Variants in HERC4 observed in about 807,000 individuals in gnomAD.
HERC4 encodes the protein HECT and RLD domain containing E3 ubiquitin protein ligase 4.
Under a neutral mutation model 124.3 loss-of-function variants are expected in HERC4, and 28 were observed. The observed-to-expected ratio is 0.23, with a 90% CI of 0.17 to 0.31. The LOEUF (loss-of-function observed/expected upper bound fraction) is 0.31, where lower values mean the gene tolerates loss of function less well. Among genes scored for constraint, HERC4 ranks in the 10% least tolerant of loss-of-function variants. The pLI, the probability that HERC4 is intolerant of heterozygous loss-of-function variation, is 1.00. For missense variants in HERC4, 713 were observed against 1,229.3 expected (o/e 0.58, Z 6.28); for synonymous variants, 407 against 421.5 (o/e 0.97, Z 0.42).
intron 23 of HERC4, among the ~76,000 whole-genome samples, chr10:67,927,418 ATATATATATATATTTTTT>A (rs1564911135): frequency 8.0e-4 from 7 of 8,730 alleles, no homozygotes; most frequent in African/African-American, 3.1e-3. Flanking sequence ...ATATATATAT[ATATATATATATATTTTTT>A]TTTTTTTTTA....
Position 68,038,083 on chromosome 10 carries a change from T to C in HERC4, c.463+10A>G. 3 of 1,418,304 alleles carry C rather than the reference T, an allele frequency of 2.1e-6. No homozygotes were observed. Among genetic ancestry groups the C allele is most frequent in the Non-Finnish European group, 2.9e-6 (3 of 1,045,584 alleles). 87.9% of individuals were successfully genotyped at this position (1,418,304 alleles called of 1,614,324 possible). A position where few individuals can be genotyped will look rare whatever the true frequency, so the allele number is the denominator to read the frequency against. On this transcript the variant is annotated intron_variant, in intron 5 of 24. Coordinates refer to ENST00000373700, the MANE Select transcript of HERC4 (RefSeq NM_015601.4). ...AACTGAAGAGAAATAAAATAAAAACTAATGCTTACCTTTAGAAAGTGCAAG... is the reference window on the plus strand; with the variant it reads ...AACTGAAGAGAAATAAAATAAAAACCAATGCTTACCTTTAGAAAGTGCAAG...
chr10:68,035,885 T>G (rs1337241032), intron 5 of HERC4, among the ~76,000 whole-genome samples: 2 of 152,232 alleles, frequency 1.3e-5, no homozygotes, highest in African/African-American at 4.8e-5. Flanking sequence ...CTAAATACCC[T>G]GAAGTTTTTC....
intron 9 of HERC4, among the ~76,000 whole-genome samples, chr10:68,000,915 G>C (rs2037191962): frequency 6.6e-6 from 1 of 152,154 alleles, no homozygotes; most frequent in Non-Finnish European, 1.5e-5. Flanking sequence ...CAATAAATTT[G>C]TATTGTTCAA....
intron 6 of HERC4, among the ~76,000 whole-genome samples, chr10:68,033,507 A>G (rs184233161): frequency 3.0e-4 from 45 of 152,328 alleles, no homozygotes; most frequent in East Asian, 2.7e-3. Flanking sequence ...TTTCAGTTAC[A>G]ATTTTTTCAA....
At chr10:67,970,346 C>T (rs1564980160) in intron 15 of HERC4, among the ~76,000 whole-genome samples, 1 of 151,994 alleles carries the variant, frequency 6.6e-6, no homozygotes, top group Non-Finnish European at 1.5e-5. Flanking sequence ...AATCCCAGCA[C>T]TCGGGGAGGA....
At chr10:67,976,029 GT>G (rs74909384) in intron 15 of HERC4, among the ~76,000 whole-genome samples, 103 of 141,278 alleles carry the variant, frequency 7.3e-4, no homozygotes, top group Admixed American at 7.8e-4. Flanking sequence ...GCTACCCACT[GT>G]TTTTTTTTTT....
At chr10:68,001,738 G>A (rs1206860126) in intron 9 of HERC4, among the ~76,000 whole-genome samples, 1 of 151,970 alleles carries the variant, frequency 6.6e-6, no homozygotes, top group Non-Finnish European at 1.5e-5. Flanking sequence ...CTCCCTCTAG[G>A]AACTAGTAAC....
chr10:68,061,879 TAA>T (rs71470503), intron 3 of HERC4, among the ~76,000 whole-genome samples: 1,726 of 54,724 alleles, frequency 0.032, 53 homozygotes, highest in African/African-American at 0.14. Context: ...AGACTCCATT[TAA>T]AAAAAAAAAA....
intron 4 of HERC4, among the ~76,000 whole-genome samples, chr10:68,041,046 C>T (rs2039741255): frequency 6.6e-6 from 1 of 152,094 alleles, no homozygotes; most frequent in South Asian, 2.1e-4. Context: ...AATATGTATA[C>T]TGTTGTATTC....
chr10:68,044,766 T>G (rs1003469624), intron 3 of HERC4, among the ~76,000 whole-genome samples: 5 of 152,200 alleles, frequency 3.3e-5, no homozygotes, highest in Non-Finnish European at 4.4e-5. Context: ...TAATTCTCAT[T>G]GTGGTAAACC....
At chr10:68,064,231 C>A (rs2133805138) in intron 3 of HERC4, among the ~76,000 whole-genome samples, 1 of 151,592 alleles carries the variant, frequency 6.6e-6, no homozygotes, top group African/African-American at 2.4e-5. Context: ...AGAACAAAAC[C>A]CTGTCCCCAA....
chr10:68,021,051 T>TC (rs35697772), intron 8 of HERC4, among the ~76,000 whole-genome samples: 70,448 of 151,706 alleles, frequency 0.46, 18,012 homozygotes, highest in East Asian at 0.85. Flanking sequence ...AGCCAAAAAC[T>TC]CCCAAATATG....
chr10:67,955,827 C>T (rs1163525518), intron 17 of HERC4: 1 of 152,126 alleles, frequency 6.6e-6, no homozygotes, highest in East Asian at 1.9e-4. Flanking sequence ...GGAAGCATTA[C>T]ACAAATTCAC....
At chr10:68,059,603 A>AATATTATATATC (rs1285473633) in intron 3 of HERC4, among the ~76,000 whole-genome samples, 3 of 84,542 alleles carry the variant, frequency 3.5e-5, no homozygotes, top group African/African-American at 1.9e-4. Flanking sequence ...TATATATCAT[A>AATATTATATATC]ATATTATATA....
chr10:68,062,995 G>A (rs558919788), intron 3 of HERC4, among the ~76,000 whole-genome samples: 5 of 151,830 alleles, frequency 3.3e-5, no homozygotes, highest in African/African-American at 1.2e-4. Context: ...TCAATTACAT[G>A]GACTACTCTT....
chr10:68,010,682 C>A (rs536874280), intron 9 of HERC4: 4 of 1,476,372 alleles, frequency 2.7e-6, no homozygotes, highest in Admixed American at 1.9e-5. Flanking sequence ...AGGGCCGCGC[C>A]GCTTACACAT....
chr10:68,059,553 A>ATATATATCATAATATTATATATCAT (rs2040768785), intron 3 of HERC4, among the ~76,000 whole-genome samples: 1 of 88,124 alleles, frequency 1.1e-5, no homozygotes, highest in Non-Finnish European at 2.0e-5. Flanking sequence ...ATATATCATA[A>ATATATATCATAATATTATATATCAT]TATATATCAT....
At chr10:68,018,481 A>G (rs889688772) in intron 8 of HERC4, among the ~76,000 whole-genome samples, 3 of 152,218 alleles carry the variant, frequency 2.0e-5, no homozygotes, top group Admixed American at 6.5e-5. Context: ...AGTAAACATT[A>G]TAATGGTGTC....
At chr10:67,957,903 G>A (rs1368965945) in intron 16 of HERC4, among the ~76,000 whole-genome samples, 1 of 152,104 alleles carries the variant, frequency 6.6e-6, no homozygotes, top group Non-Finnish European at 1.5e-5. Context: ...CGCCTCTGGG[G>A]TTCAAGCGAT....
Sources: gnomAD v4.1 joint callset for allele counts (sites outside exome capture counted in the v4.1 genomes callset) on GRCh38, gnomAD v4.1.1 for gene constraint, MANE v1.5 for transcripts, NCBI Gene and HGNC (gene_info 2026-07-23, HGNC 2026-07-21) for gene names.